The following GNAZ variants were observed in gnomAD, a reference collection of about 807,000 sequenced individuals.
GNAZ encodes G protein subunit alpha z.
Under a neutral mutation model 25.4 loss-of-function variants are expected in GNAZ, and 3 were observed. That is an observed-to-expected ratio of 0.12 (90% CI 0.05 to 0.30). The LOEUF is 0.30. Ranked by LOEUF, GNAZ falls within the 10% of genes least tolerant of loss-of-function variation. GNAZ has a pLI of 1.00. For missense variants in GNAZ, 241 were observed against 501.8 expected (o/e 0.48, Z 4.97); for synonymous variants, 211 against 205.7 (o/e 1.03, Z -0.22).
chr22:23,102,817 C>T (rs967262682), intron 2 of GNAZ, among the ~76,000 whole-genome samples: 2 of 152,236 alleles, frequency 1.3e-5, no homozygotes, highest in Admixed American at 6.5e-5. Context: ...GTCTCTTCCA[C>T]CATGATGACG....
rs146493615 is a variant in GNAZ at position 23,094,470 on chromosome 22, G to A, written c.-449-777G>A. On this transcript the variant is annotated intron_variant, in intron 1 of 2. Coordinates refer to ENST00000615612, the MANE Select transcript of GNAZ (RefSeq NM_002073.4). ...GGCCACCCTGCCTTGCCCTGGCCTC[G>A]GTGATTACTACTACCCTTGGGAGCC... 3.3e-5 allele frequency among the ~76,000 whole-genome samples: 5 copies of A among 152,300 alleles called. No individual in the cohort carries two copies. In the East Asian group the frequency reaches 5.8e-4, roughly 18 times the overall value.
At chr22:23,079,152 G>A (rs1280974487) in intron 1 of GNAZ, among the ~76,000 whole-genome samples, 1 of 152,218 alleles carries the variant, frequency 6.6e-6, no homozygotes, top group East Asian at 1.9e-4. Flanking sequence ...GGAAAGAGGT[G>A]GGCGATAAAC....
intron 2 of GNAZ, among the ~76,000 whole-genome samples, chr22:23,099,565 G>A (rs550951921): frequency 3.9e-5 from 6 of 152,232 alleles, no homozygotes; most frequent in Non-Finnish European, 7.3e-5. Flanking sequence ...ACAGATCGAG[G>A]CACTGAGGCT....
intron 1 of GNAZ, among the ~76,000 whole-genome samples, chr22:23,089,997 T>G (rs1327457244): frequency 2.6e-5 from 4 of 152,172 alleles, no homozygotes; most frequent in Non-Finnish European, 5.9e-5. Flanking sequence ...CCTGGCCCTA[T>G]GTCGCACTAA....
At chr22:23,080,374 G>A (rs191101649) in intron 1 of GNAZ, among the ~76,000 whole-genome samples, 5 of 151,272 alleles carry the variant, frequency 3.3e-5, no homozygotes, top group African/African-American at 9.9e-5. Flanking sequence ...TCATCTCCCC[G>A]GTCATCTCAT....
chr22:23,107,022 G>A (rs1004251391), intron 2 of GNAZ, among the ~76,000 whole-genome samples: 6 of 152,382 alleles, frequency 3.9e-5, no homozygotes, highest in South Asian at 4.1e-4. Context: ...GGAGCAGCAC[G>A]CTCAGCTGTT....
At chr22:23,089,010 G>A (rs2068889835) in intron 1 of GNAZ, among the ~76,000 whole-genome samples, 1 of 152,238 alleles carries the variant, frequency 6.6e-6, no homozygotes, top group South Asian at 2.1e-4. Context: ...GGCAGGGTCT[G>A]TGTGTTGAAC....
intron 2 of GNAZ, 79 bp downstream of exon 2, chr22:23,096,497 G>T: frequency 1.4e-6 from 2 of 1,423,092 alleles, no homozygotes; most frequent in South Asian, 1.3e-5. Flanking sequence ...GTGAGGTCCA[G>T]GACAGTCTGC....
intron 1 of GNAZ, among the ~76,000 whole-genome samples, chr22:23,074,197 C>G (rs1280937660): frequency 6.6e-6 from 1 of 152,084 alleles, no homozygotes; most frequent in East Asian, 1.9e-4. Context: ...AGGAGCTAAT[C>G]TACACTTTGA....
rs940271689 is a variant in GNAZ, at chr22:23,123,911, G to A, written c.*480G>A. On this transcript the variant is annotated 3_prime_UTR_variant, in exon 3 of 3. Transcript: ENST00000615612. ...GACCTTGCCGCTGACCAAGAGGGAG[G>A]ACCAGTGCAGGGTCTGTGCACCTTC... The A allele has an allele frequency of 4.7e-6, 1 of 214,056 alleles. No homozygotes were observed. The highest frequency in any genetic ancestry group is 2.3e-5 in the African/African-American group (1 of 43,354). 13.3% of individuals were successfully genotyped at this position (214,056 alleles called of 1,614,324 possible).
Position 23,123,176 on chromosome 22 carries a change from G to A in GNAZ, c.813G>A (p.Lys271=). The change falls in exon 3 of 3, where the codon AAG becomes AAA. Residue 271 remains lysine (K), a synonymous_variant. Transcript: ENST00000615612. ...INTSLILFLN[K]KDLLAEKIRR... is the part of the protein sequence containing the mutation. Reference sequence around the variant, plus strand: ...CCTCACTCATCCTCTTCCTGAACAAGAAGGACCTGCTGGCAGAGAAGATCC... The same window carrying A: ...CCTCACTCATCCTCTTCCTGAACAAAAAGGACCTGCTGGCAGAGAAGATCC... 2 of 1,614,036 alleles carry A rather than the reference G, an allele frequency of 1.2e-6. No homozygotes were observed. Among genetic ancestry groups the A allele is most frequent in the Non-Finnish European group, 1.7e-6 (2 of 1,179,896 alleles).
At chr22:23,105,435 C>T (rs930979218) in intron 2 of GNAZ, among the ~76,000 whole-genome samples, 1 of 152,262 alleles carries the variant, frequency 6.6e-6, no homozygotes, top group African/African-American at 2.4e-5. Context: ...TTCTCATGTC[C>T]CTCCCAGGAA....
At chr22:23,094,625 A>G (rs954979857) in intron 1 of GNAZ, among the ~76,000 whole-genome samples, 1 of 152,162 alleles carries the variant, frequency 6.6e-6, no homozygotes, top group African/African-American at 2.4e-5. Context: ...CACTGTGCTT[A>G]GGCACCTCAC....
chr22:23,089,429 G>C (rs1342906786), intron 1 of GNAZ, among the ~76,000 whole-genome samples: 1 of 152,160 alleles, frequency 6.6e-6, no homozygotes, highest in East Asian at 1.9e-4. Flanking sequence ...TGTGACCATG[G>C]GTATTATGTT....
At chr22:23,089,448 T>G (rs1194194804) in intron 1 of GNAZ, among the ~76,000 whole-genome samples, 1 of 152,112 alleles carries the variant, frequency 6.6e-6, no homozygotes, top group African/African-American at 2.4e-5. Flanking sequence ...TTGCCCCAGC[T>G]CTATGCCTAG....
chr22:23,105,497 T>C (rs1467997506), intron 2 of GNAZ, among the ~76,000 whole-genome samples: 1 of 152,196 alleles, frequency 6.6e-6, no homozygotes, highest in African/African-American at 2.4e-5. Flanking sequence ...CCTACAGGTG[T>C]GGGTCCGAGG....
intron 1 of GNAZ, among the ~76,000 whole-genome samples, chr22:23,075,591 G>A (rs1040367853): frequency 2.0e-5 from 3 of 152,150 alleles, no homozygotes; most frequent in Non-Finnish European, 4.4e-5. Flanking sequence ...TTTTAGAGAC[G>A]TCCCTGGAGA....
chr22:23,081,821 C>CAAA (rs55713577), intron 1 of GNAZ, among the ~76,000 whole-genome samples: 46 of 46,694 alleles, frequency 9.9e-4, no homozygotes, highest in Admixed American at 1.4e-3. Flanking sequence ...GATTCCATCT[C>CAAA]AAAAAAAAAA....
intron 1 of GNAZ, among the ~76,000 whole-genome samples, chr22:23,094,982 G>A (rs915779256): frequency 2.8e-4 from 42 of 152,240 alleles, no homozygotes; most frequent in African/African-American, 9.4e-4. Flanking sequence ...CATGGGGGCT[G>A]GGTGGGCAGA....
Sources: gnomAD v4.1 joint callset for allele counts (sites outside exome capture counted in the v4.1 genomes callset) on GRCh38, gnomAD v4.1.1 for gene constraint, MANE v1.5 for transcripts, NCBI Gene and HGNC (gene_info 2026-07-23, HGNC 2026-07-21) for gene names.